The following PDE10A variants were observed in gnomAD, a reference collection of about 807,000 sequenced individuals.
PDE10A encodes the protein phosphodiesterase 10A.
Under a neutral mutation model 97.7 loss-of-function variants are expected in PDE10A, and 39 were observed. That is an observed-to-expected ratio of 0.40 (90% CI 0.31 to 0.52). The LOEUF (loss-of-function observed/expected upper bound fraction) is 0.52. PDE10A is among the 20% of genes least tolerant of loss of function. PDE10A has a pLI of 0.56. For synonymous variants in PDE10A, 371 were observed against 376.8 expected (o/e 0.98, Z 0.18); for missense variants, 731 against 1,047.8 (o/e 0.70, Z 4.17).
chr6:165,715,153 G>A (rs1276233757), intron 1 of PDE10A, among the ~76,000 whole-genome samples: 4 of 152,236 alleles, frequency 2.6e-5, no homozygotes, highest in Admixed American at 2.6e-4. Flanking sequence ...TGCGGCCGGC[G>A]CTGCTTACAC....
At chr6:165,419,395 C>T (rs1364468460) in intron 10 of PDE10A, among the ~76,000 whole-genome samples, 1 of 152,114 alleles carries the variant, frequency 6.6e-6, no homozygotes, top group Non-Finnish European at 1.5e-5. Context: ...AATTGATTTG[C>T]CTGCTCCTCA....
chr6:165,378,997 T>C (rs1274151634), intron 18 of PDE10A, among the ~76,000 whole-genome samples, 197 bp downstream of exon 18: 2 of 152,204 alleles, frequency 1.3e-5, no homozygotes, highest in East Asian at 3.9e-4. Context: ...TTATCCTCAC[T>C]AGACATTGCC....
At chr6:165,389,037 G>A (rs1785495192) in intron 16 of PDE10A, among the ~76,000 whole-genome samples, 1 of 152,144 alleles carries the variant, frequency 6.6e-6, no homozygotes, top group South Asian at 2.1e-4. Flanking sequence ...ACAGGGTAAG[G>A]AGAGCGGCAA....
upstream of PDE10A, among the ~76,000 whole-genome samples, chr6:165,664,508 A>C (rs1790446904): frequency 6.6e-6 from 1 of 152,154 alleles, no homozygotes; most frequent in African/African-American, 2.4e-5. Context: ...CGGGCATCAG[A>C]CTTGGCACTC....
chr6:165,796,355 G>T (rs1173039644), intron 1 of PDE10A, among the ~76,000 whole-genome samples: 3 of 152,060 alleles, frequency 2.0e-5, no homozygotes. Context: ...TAAAGTGCTG[G>T]GGTTATAGGC....
intron 1 of PDE10A, among the ~76,000 whole-genome samples, chr6:165,578,821 T>C (rs1313385425): frequency 6.6e-6 from 1 of 152,210 alleles, no homozygotes; most frequent in Non-Finnish European, 1.5e-5. Context: ...ATGAAACCAC[T>C]GCTGCTCCCC....
intron 1 of PDE10A, among the ~76,000 whole-genome samples, chr6:165,891,538 G>A (rs979601032): frequency 4.6e-5 from 7 of 152,086 alleles, no homozygotes; most frequent in African/African-American, 1.7e-4. Flanking sequence ...CCCTTGTCCA[G>A]CCTGGAACAC....
chr6:165,706,216 G>A (rs532311924), intron 1 of PDE10A, among the ~76,000 whole-genome samples: 6 of 152,312 alleles, frequency 3.9e-5, no homozygotes, highest in East Asian at 1.9e-4. Flanking sequence ...TCAATGGGGC[G>A]ACATGAATAT....
chr6:165,329,133 G>T lies in PDE10A; in HGVS notation c.*3892C>A, dbSNP rs912693704. Reference sequence around the variant, plus strand: ...AAGTGTAGAAAGCAAACATATGTTCGAAATATGTAAAGAGAGAAGTGATTT... The same window carrying T: ...AAGTGTAGAAAGCAAACATATGTTCTAAATATGTAAAGAGAGAAGTGATTT... On this transcript the variant is annotated 3_prime_UTR_variant, in exon 22 of 22. Transcript: ENST00000539869. 6.6e-6 allele frequency: 1 copy of T among 152,184 alleles called. No individual in the cohort carries two copies. Among genetic ancestry groups the T allele is most frequent in the Admixed American group, 6.5e-5 (1 of 15,276 alleles). 9.4% of individuals were successfully genotyped at this position (152,184 alleles called of 1,614,324 possible).
chr6:165,535,714 A>G (rs1224125689), intron 2 of PDE10A, among the ~76,000 whole-genome samples: 2 of 150,840 alleles, frequency 1.3e-5, no homozygotes, highest in African/African-American at 4.8e-5. Context: ...ATAAACATAC[A>G]AGCACAGGTA....
At chr6:165,590,499 C>T (rs1047794252) in intron 1 of PDE10A, among the ~76,000 whole-genome samples, 5 of 152,170 alleles carry the variant, frequency 3.3e-5, no homozygotes, top group Non-Finnish European at 5.9e-5. Flanking sequence ...CCAACAAACA[C>T]CTTTTGAGTG....
intron 3 of PDE10A, among the ~76,000 whole-genome samples, chr6:165,451,223 A>G (rs1791268731): frequency 6.6e-6 from 1 of 152,142 alleles, no homozygotes; most frequent in African/African-American, 2.4e-5. Context: ...TCCACAGCAC[A>G]AGGCTTCATC....
intron 1 of PDE10A, among the ~76,000 whole-genome samples, chr6:165,962,477 T>C (rs1439421393): frequency 2.6e-5 from 4 of 152,212 alleles, no homozygotes; most frequent in Non-Finnish European, 5.9e-5. Context: ...GGCTGCAGAA[T>C]TCAGGTGGGA....
At chr6:165,376,434 T>C (rs2128205523) in intron 18 of PDE10A, among the ~76,000 whole-genome samples, 1 of 152,328 alleles carries the variant, frequency 6.6e-6, no homozygotes, top group East Asian at 1.9e-4. Flanking sequence ...CAGCAAAGGA[T>C]TTAGAATATT....
intron 1 of PDE10A, among the ~76,000 whole-genome samples, chr6:165,638,806 T>C (rs548954315): frequency 3.3e-4 from 50 of 152,254 alleles, no homozygotes; most frequent in Non-Finnish European, 6.2e-4. Context: ...CAAACAACAA[T>C]AGAAAGTTAA....
intron 1 of PDE10A, among the ~76,000 whole-genome samples, chr6:165,589,834 G>A (rs1786144737): frequency 6.6e-6 from 1 of 152,120 alleles, no homozygotes; most frequent in Admixed American, 6.5e-5. Context: ...CAAGGGAACA[G>A]ATTTTAAACA....
At chr6:165,955,299 T>C (rs935281802) in intron 1 of PDE10A, among the ~76,000 whole-genome samples, 43 of 152,194 alleles carry the variant, frequency 2.8e-4, no homozygotes, top group African/African-American at 1.0e-3. Flanking sequence ...TCCACTCCTT[T>C]ACTTTAATCA....
At chr6:165,619,174 CTAGTGTAGTGTAGTCTAGTGTAGTG>C (rs1787899267) in intron 1 of PDE10A, among the ~76,000 whole-genome samples, 1 of 104,058 alleles carries the variant, frequency 9.6e-6, no homozygotes, top group Non-Finnish European at 2.1e-5. Flanking sequence ...GTAGTGTAGT[CTAGTGTAGTGTAGTCTAGTGTAGTG>C]TAATGTAGTG....
intron 1 of PDE10A, among the ~76,000 whole-genome samples, chr6:165,733,400 G>A (rs1158044001): frequency 1.3e-5 from 2 of 152,174 alleles, no homozygotes; most frequent in Non-Finnish European, 2.9e-5. Context: ...GGTGTGATCC[G>A]ATACTGTTTT....
Sources: allele counts gnomAD v4.1 joint callset (sites outside exome capture counted in the v4.1 genomes callset), GRCh38; gene constraint gnomAD v4.1.1; transcripts MANE v1.5; gene names NCBI Gene and HGNC (gene_info 2026-07-23, HGNC 2026-07-21).